PADI1: variants seen among roughly 807,000 people sequenced by gnomAD.
The protein encoded by PADI1 is peptidyl arginine deiminase 1.
A neutral mutation model predicts 74.8 loss-of-function variants in PADI1; 65 were observed. The observed-to-expected ratio is 0.87, with a 90% CI of 0.71 to 1.07. The LOEUF is 1.07. PADI1 is among the 50% of genes least tolerant of loss of function. PADI1 has a pLI of 0.00. For missense variants in PADI1, 943 were observed against 854.0 expected (o/e 1.10, Z -1.30); for synonymous variants, 371 against 336.2 (o/e 1.10, Z -1.13).
intron 11 of PADI1, among the ~76,000 whole-genome samples, chr1:17,233,618 C>G (rs35549923): frequency 0.37 from 56,508 of 152,070 alleles, 10,827 homozygotes; most frequent in African/African-American, 0.45. Context: ...CAAAGAATGA[C>G]GTGTGCAGTT....
At chr1:17,226,220 A>C (rs1424538292) in intron 6 of PADI1, 62 bp downstream of exon 6, 3 of 1,560,776 alleles carry the variant, frequency 1.9e-6, no homozygotes, top group Non-Finnish European at 2.6e-6. Flanking sequence ...CTCCTCCCCC[A>C]TCTCTCTCTC....
At chr1:17,217,309 C>T (rs2072006060) in intron 1 of PADI1, among the ~76,000 whole-genome samples, 1 of 152,124 alleles carries the variant, frequency 6.6e-6, no homozygotes, top group South Asian at 2.1e-4. Context: ...GCCAGGTGGG[C>T]CGCAGTGTTG....
intron 1 of PADI1, among the ~76,000 whole-genome samples, chr1:17,214,586 G>A (rs2071924258): frequency 6.6e-6 from 1 of 152,112 alleles, no homozygotes; most frequent in Non-Finnish European, 1.5e-5. Flanking sequence ...TTAGGTCTGG[G>A]GGCTACATCA....
chr1:17,219,775 A>G (rs1569777962), intron 1 of PADI1, among the ~76,000 whole-genome samples: 1 of 151,994 alleles, frequency 6.6e-6, no homozygotes, highest in East Asian at 1.9e-4. Context: ...GACATTGAGG[A>G]GCATGAAGGA....
chr1:17,217,955 G>T (rs2072025106), intron 1 of PADI1, among the ~76,000 whole-genome samples: 1 of 152,234 alleles, frequency 6.6e-6, no homozygotes, highest in Non-Finnish European at 1.5e-5. Context: ...AGGATTATCT[G>T]ATTCAGCAAA....
chr1:17,206,595 A>G (rs1353216210), intron 1 of PADI1, among the ~76,000 whole-genome samples: 2 of 152,222 alleles, frequency 1.3e-5, no homozygotes, highest in Non-Finnish European at 2.9e-5. Flanking sequence ...GATAAAAAAC[A>G]AAAAGCTTTT....
At chr1:17,211,166 T>C (rs1334406022) in intron 1 of PADI1, among the ~76,000 whole-genome samples, 2 of 152,070 alleles carry the variant, frequency 1.3e-5, no homozygotes, top group Non-Finnish European at 2.9e-5. Context: ...TCAGATGCCC[T>C]CTGTGACTGT....
At position 17,226,132 on chromosome 1, in the gene PADI1, A is replaced by G; in HGVS notation, c.626A>G (p.Lys209Arg). ...TTGAACGTGCCCTTTTCTGATTCCA[A>G]AAGAGTGAGGGTCTTCTGTGCCAGG... ...LVLNVPFSDS[K>R]RVRVFCARGG... The change falls in exon 6 of 16, where the codon AAA (lysine) becomes AGA (arginine). Residue 209 changes from lysine (K) to arginine (R), a missense_variant. Lys to Arg is a conservative substitution (Grantham distance 26, BLOSUM62 2). Coordinates refer to ENST00000375471, the MANE Select transcript of PADI1 (RefSeq NM_013358.3). The G allele has an allele frequency of 6.2e-7, 1 of 1,614,136 alleles. No homozygotes were observed. Among genetic ancestry groups the G allele is most frequent in the Non-Finnish European group, 8.5e-7 (1 of 1,180,004 alleles).
In PADI1 at chr1:17,206,755, T is replaced by C. The variant is rs189166032; in HGVS notation, c.92+1446T>C. On this transcript the variant is annotated intron_variant, in intron 1 of 15. Transcript: ENST00000375471. The stretch of plus-strand genomic sequence containing the variant: ...AGGCTGGAGTGCAGTGGCGAGATCT[T>C]TGCTCACTGCAACCTCCACCTCCCG... Among the ~76,000 whole-genome samples the C allele has an allele frequency of 4.6e-4, 69 of 150,448 alleles. 1 individual carries two copies. Among genetic ancestry groups the C allele is most frequent in the African/African-American group, 1.5e-3 (63 of 40,860 alleles).
intron 2 of PADI1, among the ~76,000 whole-genome samples, chr1:17,222,963 A>T (rs1407834603): frequency 1.1e-5 from 1 of 91,060 alleles, no homozygotes; most frequent in Non-Finnish European, 2.0e-5. Flanking sequence ...CCAGCACCCA[A>T]ATCCTAGACA....
intron 2 of PADI1, among the ~76,000 whole-genome samples, chr1:17,223,234 G>T (rs1038651478): frequency 2.0e-5 from 3 of 152,194 alleles, no homozygotes; most frequent in Non-Finnish European, 4.4e-5. Flanking sequence ...TGGAGTGGGG[G>T]TTCTCATTCC....
intron 11 of PADI1, among the ~76,000 whole-genome samples, chr1:17,236,704 T>C (rs1247941777): frequency 2.0e-5 from 3 of 151,188 alleles, no homozygotes; most frequent in African/African-American, 7.3e-5. Context: ...CAGTGAGCCA[T>C]GCACTCCAGC....
At chr1:17,237,597 C>CG in intron 12 of PADI1, 139 bp downstream of exon 12, 1 of 679,252 alleles carries the variant, frequency 1.5e-6, no homozygotes, top group Non-Finnish European at 2.3e-6. Flanking sequence ...TGGGTCAGGG[C>CG]ACCCTGACAC....
intron 1 of PADI1, among the ~76,000 whole-genome samples, chr1:17,213,784 G>A (rs891241410): frequency 6.6e-6 from 1 of 152,226 alleles, no homozygotes; most frequent in African/African-American, 2.4e-5. Context: ...GGGTGAACCT[G>A]CACCTTACCA....
rs542949650 is a variant in PADI1, at chr1:17,237,560, G to A, written c.1458+102G>A. The stretch of plus-strand genomic sequence containing the variant: ...TGGAACCAGCTCAACCCTGTGCCCC[G>A]AGTAAGCTCTGGATTGGGACATTTT... On this transcript the variant is annotated intron_variant, in intron 12 of 15. Coordinates refer to ENST00000375471, the MANE Select transcript of PADI1 (RefSeq NM_013358.3). The A allele has an allele frequency of 8.6e-5, 100 of 1,158,906 alleles. No homozygotes were observed. In the African/African-American group the frequency reaches 1.1e-3, roughly 13 times the overall value. The allele number at this position is 1,158,906 out of a possible 1,614,324, so 71.8% of individuals were successfully genotyped here.
At chr1:17,243,605 A>G (rs1046686194) in intron 15 of PADI1, among the ~76,000 whole-genome samples, 1 of 152,248 alleles carries the variant, frequency 6.6e-6, no homozygotes, top group Non-Finnish European at 1.5e-5. Context: ...ACTTTGGAAG[A>G]CATCCACACC....
chr1:17,244,034 T>C lies in PADI1; in HGVS notation c.1783T>C (p.Tyr595His). Residue 595 changes from tyrosine to histidine, a missense_variant, in exon 16 of 16, where the codon TAC (tyrosine) becomes CAC (histidine). Coordinates refer to ENST00000375471, the MANE Select transcript of PADI1 (RefSeq NM_013358.3). ...GGTTAACATGGTGGTCTTAGGCAAGTACCTGGGCATCCCCAAGCCCTACGG... is the reference window on the plus strand; with the variant it reads ...GGTTAACATGGTGGTCTTAGGCAAGCACCTGGGCATCCCCAAGCCCTACGG... ...DMVNMVVLGKYLGIPKPYGPI... is the reference protein window; with the variant it reads ...DMVNMVVLGKHLGIPKPYGPI... The C allele has an allele frequency of 1.2e-6, 2 of 1,614,004 alleles. No homozygotes were observed. Among genetic ancestry groups the C allele is most frequent in the African/African-American group, 1.3e-5 (1 of 75,054 alleles).
At chr1:17,238,512 G>GTC in intron 12 of PADI1, 104 bp from the exon 13 acceptor site, 1 of 472,974 alleles carries the variant, frequency 2.1e-6, no homozygotes, top group Non-Finnish European at 3.7e-6. Flanking sequence ...AGTGGGAGAG[G>GTC]GGAGTCCCAA....
chr1:17,243,954 C>A, intron 15 of PADI1, 56 bp from the exon 16 acceptor site: 1 of 1,273,808 alleles, frequency 7.9e-7, no homozygotes, highest in Non-Finnish European at 1.1e-6. Flanking sequence ...GAAGGGGTGC[C>A]AGAAGCACAG....
Sources: allele counts gnomAD v4.1 joint callset (sites outside exome capture counted in the v4.1 genomes callset), GRCh38; gene constraint gnomAD v4.1.1; transcripts MANE v1.5; gene names NCBI Gene and HGNC (gene_info 2026-07-23, HGNC 2026-07-21).